Variants in ASIC2 observed in about 807,000 individuals in gnomAD.
ASIC2 encodes acid-sensing ion channel 2.
A neutral mutation model predicts 57.3 loss-of-function variants in ASIC2; 25 were observed. The observed-to-expected ratio is 0.44, with a 90% CI of 0.32 to 0.61. The LOEUF (loss-of-function observed/expected upper bound fraction) is 0.61. ASIC2 is among the 20% of genes least tolerant of loss of function. The probability of loss-of-function intolerance (pLI) is 0.06; values close to 1 mark genes in which losing one functional copy is unlikely to be tolerated. For missense variants in ASIC2, 641 were observed against 738.1 expected (o/e 0.87, Z 1.52); for synonymous variants, 319 against 307.5 (o/e 1.04, Z -0.39).
chr17:33,945,226 G>T (rs1383704221), intron 1 of ASIC2, among the ~76,000 whole-genome samples: 1 of 152,014 alleles, frequency 6.6e-6, no homozygotes, highest in Non-Finnish European at 1.5e-5. Flanking sequence ...TTACAATGTC[G>T]ATTTCACAGA....
chr17:34,151,105 G>GAAAA (rs56803983), intron 1 of ASIC2, among the ~76,000 whole-genome samples: 11 of 125,274 alleles, frequency 8.8e-5, no homozygotes, highest in African/African-American at 1.7e-4. Context: ...TCCATCTCAA[G>GAAAA]AAAAAAAAAA....
chr17:34,076,016 T>G (rs1288310778), intron 1 of ASIC2, among the ~76,000 whole-genome samples: 2 of 151,532 alleles, frequency 1.3e-5, no homozygotes, highest in Non-Finnish European at 2.9e-5. Context: ...TTTTATTTTT[T>G]TTTTGAGACA....
intron 1 of ASIC2, among the ~76,000 whole-genome samples, chr17:33,913,158 C>T (rs573041840): frequency 2.0e-5 from 3 of 151,844 alleles, no homozygotes; most frequent in South Asian, 4.2e-4. Context: ...TACAAGGAGC[C>T]GGGACTATTT....
chr17:33,633,328 C>A (rs1452787357), intron 1 of ASIC2, among the ~76,000 whole-genome samples: 3 of 152,168 alleles, frequency 2.0e-5, no homozygotes, highest in Non-Finnish European at 4.4e-5. Context: ...TCTGGGCAGC[C>A]CTGACATCTG....
At chr17:33,568,769 C>G (rs1024201035) in intron 1 of ASIC2, among the ~76,000 whole-genome samples, 2 of 152,094 alleles carry the variant, frequency 1.3e-5, no homozygotes, top group Non-Finnish European at 2.9e-5. Context: ...AATCTCAATG[C>G]CTGATATATT....
chr17:33,034,263 C>T (rs1368042637), intron 3 of ASIC2, among the ~76,000 whole-genome samples: 1 of 152,194 alleles, frequency 6.6e-6, no homozygotes, highest in Non-Finnish European at 1.5e-5. Context: ...CAGGCAAAGG[C>T]ACCGTGGCCA....
At chr17:33,845,251 C>T (rs1299453952) in intron 1 of ASIC2, among the ~76,000 whole-genome samples, 3 of 152,134 alleles carry the variant, frequency 2.0e-5, no homozygotes, top group Admixed American at 2.0e-4. Flanking sequence ...TAATTTTTAT[C>T]TTAGCCTATA....
chr17:33,144,606 T>A (rs1904478246), intron 1 of ASIC2, among the ~76,000 whole-genome samples: 1 of 152,268 alleles, frequency 6.6e-6, no homozygotes, highest in South Asian at 2.1e-4. Flanking sequence ...ATACCCTGTG[T>A]TTTTAGGAAG....
At chr17:33,282,481 G>C (rs1303594050) in intron 1 of ASIC2, among the ~76,000 whole-genome samples, 2 of 146,784 alleles carry the variant, frequency 1.4e-5, no homozygotes, top group African/African-American at 2.5e-5. Context: ...GTGTGCTTGT[G>C]TGTGTGTGTG....
intron 1 of ASIC2, among the ~76,000 whole-genome samples, chr17:33,678,128 C>A (rs1354188884): frequency 2.6e-5 from 4 of 152,166 alleles, no homozygotes; most frequent in Non-Finnish European, 5.9e-5. Context: ...AAAAAGATTA[C>A]AGATCACCAA....
chr17:33,488,304 C>T (rs1053247447), intron 1 of ASIC2, among the ~76,000 whole-genome samples: 8 of 152,290 alleles, frequency 5.3e-5, no homozygotes, highest in South Asian at 2.1e-4. Flanking sequence ...TCCTCACCTC[C>T]GCACCTTCGC....
At chr17:33,017,493 C>T in intron 8 of ASIC2, 112 bp downstream of exon 8, 1 of 832,648 alleles carries the variant, frequency 1.2e-6, no homozygotes, top group Non-Finnish European at 1.9e-6. Flanking sequence ...GGAGGGGAAG[C>T]AGGCTCTGCA....
intron 7 of ASIC2, 64 bp from the exon 8 acceptor site, chr17:33,017,748 C>T (rs1199078245): frequency 6.7e-7 from 1 of 1,484,388 alleles, no homozygotes; most frequent in Non-Finnish European, 9.4e-7. Flanking sequence ...GGTGAACAGA[C>T]TGAGATGCAA....
intron 1 of ASIC2, among the ~76,000 whole-genome samples, chr17:33,281,270 G>T (rs192015249): frequency 6.6e-6 from 1 of 152,160 alleles, no homozygotes; most frequent in Non-Finnish European, 1.5e-5. Context: ...TTCTTGGCTA[G>T]AATTGTAACA....
At chr17:33,787,702 T>A (rs1378352554) in intron 1 of ASIC2, among the ~76,000 whole-genome samples, 1 of 152,126 alleles carries the variant, frequency 6.6e-6, no homozygotes, top group Non-Finnish European at 1.5e-5. Flanking sequence ...GCACAGTGTT[T>A]GTGACAATAC....
At chr17:33,555,685 G>A (rs1308306162) in intron 1 of ASIC2, among the ~76,000 whole-genome samples, 2 of 152,136 alleles carry the variant, frequency 1.3e-5, no homozygotes, top group South Asian at 2.1e-4. Flanking sequence ...TTACCATGGA[G>A]TAGAAATTGG....
At chr17:33,404,349 C>T (rs999438447) in intron 1 of ASIC2, among the ~76,000 whole-genome samples, 3 of 151,986 alleles carry the variant, frequency 2.0e-5, no homozygotes, top group African/African-American at 7.3e-5. Flanking sequence ...TCAATAAAGC[C>T]GTCCAAAAAA....
At chr17:33,529,408 T>C (rs1914982245) in intron 1 of ASIC2, among the ~76,000 whole-genome samples, 2 of 152,152 alleles carry the variant, frequency 1.3e-5, no homozygotes, top group African/African-American at 2.4e-5. Context: ...GTGTGCTCCC[T>C]GGGCCAGCGG....
chr17:33,869,893 T>C (rs1295183389), intron 1 of ASIC2, among the ~76,000 whole-genome samples: 1 of 152,250 alleles, frequency 6.6e-6, no homozygotes, highest in East Asian at 1.9e-4. Context: ...TTATGTGTAA[T>C]GTGAATTATA....
Sources: allele counts gnomAD v4.1 joint callset (sites outside exome capture counted in the v4.1 genomes callset), GRCh38; gene constraint gnomAD v4.1.1; transcripts MANE v1.5; gene names NCBI Gene and HGNC (gene_info 2026-07-23, HGNC 2026-07-21).